The following TRIOBP variants were observed in gnomAD, a reference collection of about 807,000 sequenced individuals.
TRIOBP encodes the protein TRIO and F-actin binding protein.
TRIOBP carries 169 observed loss-of-function variants against 238.8 expected under a neutral mutation model. The ratio of observed to expected loss-of-function variants is 0.71; its 90% CI spans 0.62 to 0.80. The LOEUF (loss-of-function observed/expected upper bound fraction) is 0.80, where lower values mean the gene tolerates loss of function less well. Among genes scored for constraint, TRIOBP ranks in the 30% least tolerant of loss-of-function variants. The probability of loss-of-function intolerance (pLI) is 0.00; values close to 1 mark genes in which losing one functional copy is unlikely to be tolerated. For missense variants in TRIOBP, 2,838 were observed against 3,122.6 expected, an observed-to-expected ratio of 0.91 and a Z score of 2.17; for synonymous variants, 1,150 against 1,274.4, an observed-to-expected ratio of 0.90 and a Z score of 2.08.
At position 37,773,956 on chromosome 22, in the gene TRIOBP, GCA is replaced by G. The variant is rs1926916823; in HGVS notation, c.*182_*183del. 7.7e-6 allele frequency: 1 copy of G among 129,596 alleles called. No homozygotes were observed. Among genetic ancestry groups the G allele is most frequent in the Admixed American group, 8.2e-5 (1 of 12,128 alleles). 8.0% of individuals were successfully genotyped at this position (129,596 alleles called of 1,614,324 possible). On this transcript the variant is annotated 3_prime_UTR_variant, in exon 24 of 24. Transcript: ENST00000644935. The stretch of plus-strand genomic sequence containing the variant: ...CACACACAGACACACAGACACATAC[GCA>G]CACACGTGCACACATGTACACACGG...
chr22:37,699,462 AAATTGGCATTAATTTGATCTAC>A (rs140397965), intron 2 of TRIOBP, among the ~76,000 whole-genome samples: 1,647 of 152,220 alleles, frequency 0.011, 34 homozygotes, highest in African/African-American at 0.038. Flanking sequence ...GCCTGATCTA[AAATTGGCATTAATTTGATCTAC>A]AATGCAGCTA....
At chr22:37,731,314 T>G (rs114294257) in intron 7 of TRIOBP, among the ~76,000 whole-genome samples, 1 of 151,340 alleles carries the variant, frequency 6.6e-6, no homozygotes, top group Non-Finnish European at 1.5e-5. Flanking sequence ...ATTAAAAAAA[T>G]TTTTTTTTCC....
intron 9 of TRIOBP, 82 bp downstream of exon 9, chr22:37,735,524 G>C: frequency 6.7e-7 from 1 of 1,489,472 alleles, no homozygotes; most frequent in Non-Finnish European, 9.0e-7. Flanking sequence ...CCTCCCCTTG[G>C]AGTAGCCTAA....
chr22:37,726,005 C>T lies in TRIOBP; in HGVS notation c.3449C>T (p.Ser1150Phe), dbSNP rs2145835267. ...PRASTESLVPSMDSLHECPHI... is the reference protein window; with the variant it reads ...PRASTESLVPFMDSLHECPHI... ...GCCAGCACAGAGAGCCTTGTCCCTT[C>T]CATGGACTCTCTGCACGAGTGCCCC... The change falls in exon 7 of 24, where the codon TCC becomes TTC. Residue 1150 changes from serine (S) to phenylalanine (F), a missense_variant. Around this residue, in one of 5 missense-constraint regions of TRIOBP, gnomAD observed 2,096 missense variants for 2,137.4 expected, o/e 0.98. Coordinates refer to ENST00000644935, the MANE Select transcript of TRIOBP (RefSeq NM_001039141.3). The T allele has an allele frequency of 7.4e-6, 12 of 1,611,192 alleles. No individual in the cohort carries two copies. The highest frequency in any genetic ancestry group is 1.0e-5 in the Non-Finnish European group (12 of 1,179,124).
intron 7 of TRIOBP, among the ~76,000 whole-genome samples, chr22:37,727,880 G>A (rs537681615): frequency 2.0e-5 from 3 of 152,178 alleles, no homozygotes; most frequent in African/African-American, 7.2e-5. Flanking sequence ...TCCAGCCCTC[G>A]AGTTTTCAAG....
At chr22:37,744,478 G>C (rs1350798565) in intron 11 of TRIOBP, among the ~76,000 whole-genome samples, 2 of 152,224 alleles carry the variant, frequency 1.3e-5, no homozygotes, top group Admixed American at 6.5e-5. Context: ...TGATCTGTCA[G>C]CATTGGTGAT....
At chr22:37,719,811 T>G (rs1923725957) in intron 6 of TRIOBP, among the ~76,000 whole-genome samples, 1 of 152,012 alleles carries the variant, frequency 6.6e-6, no homozygotes, top group African/African-American at 2.4e-5. Flanking sequence ...GGGCCCCTTC[T>G]GTCTTCTCCC....
chr22:37,757,592 G>T, intron 15 of TRIOBP, 21 bp from the exon 16 acceptor site: 3 of 1,564,734 alleles, frequency 1.9e-6, no homozygotes, highest in Non-Finnish European at 2.6e-6. Context: ...CCCACCTGAC[G>T]TGGCTCTGCT....
At chr22:37,711,589 A>AAG (rs1923241699) in intron 4 of TRIOBP, among the ~76,000 whole-genome samples, 2 of 50,002 alleles carry the variant, frequency 4.0e-5, no homozygotes, top group Non-Finnish European at 1.3e-4. Flanking sequence ...AAAAAAAAAA[A>AAG]AAACAACAAA....
intron 10 of TRIOBP, among the ~76,000 whole-genome samples, chr22:37,740,548 T>A (rs1042938070): frequency 6.6e-6 from 1 of 152,074 alleles, no homozygotes; most frequent in Non-Finnish European, 1.5e-5. Context: ...TGGAGATATG[T>A]ATTTATATGT....
intron 11 of TRIOBP, chr22:37,751,041 G>A (rs1318342160): frequency 1.3e-5 from 5 of 395,342 alleles, no homozygotes; most frequent in Non-Finnish European, 2.6e-5. Flanking sequence ...GGGTCTGGTG[G>A]TTGGCACCCA....
At chr22:37,738,537 A>G in intron 9 of TRIOBP, 105 bp from the exon 10 acceptor site, 2 of 1,062,658 alleles carry the variant, frequency 1.9e-6, no homozygotes, top group South Asian at 1.3e-5. Flanking sequence ...TGGACGTTAG[A>G]TGGGTGTTGC....
Position 37,755,643 on chromosome 22 carries a change from G to T in TRIOBP, c.5671G>T (p.Ala1891Ser), listed in dbSNP as rs769410570. The stretch of plus-strand genomic sequence containing the variant: ...GAGAAAGACCGTACGTCCAACTTCA[G>T]CCCCAGATGTCACCAAGTACGTACT... The part of the protein sequence containing the change: ...ALRKTVRPTS[A>S]PDVTKLSDSN... The change falls in exon 15 of 24, where the codon GCC (alanine) becomes TCC (serine). Residue 1891 changes from alanine to serine, a missense_variant. This residue lies in a region of TRIOBP where 2,096 missense variants were observed against 2,137.4 expected (regional missense o/e 0.98). Coordinates refer to ENST00000644935, the MANE Select transcript of TRIOBP (RefSeq NM_001039141.3). 3 of 1,614,044 alleles carry T rather than the reference G, an allele frequency of 1.9e-6. No individual in the cohort carries two copies. The highest frequency in any genetic ancestry group is 1.7e-6 in the Non-Finnish European group (2 of 1,180,030).
At chr22:37,715,427 C>T (rs1282375145) in intron 5 of TRIOBP, among the ~76,000 whole-genome samples, 3 of 152,114 alleles carry the variant, frequency 2.0e-5, no homozygotes, top group East Asian at 1.9e-4. Flanking sequence ...AATGCAAGCT[C>T]CACCTCCCAG....
In TRIOBP at chr22:37,723,217, C is replaced by T. The variant is rs186143100; in HGVS notation, c.661C>T (p.His221Tyr). The T allele has an allele frequency of 1.9e-6, 3 of 1,613,966 alleles. No individual in the cohort carries two copies. The East Asian group carries it at 6.7e-5, about 36-fold the overall frequency. ...TGGGGRSAGQ[H>Y]WARLRGESGL... The stretch of plus-strand genomic sequence containing the variant: ...CGGTGGGGGCCGGAGCGCAGGACAG[C>T]ACTGGGCAAGGCTCCGGGGAGAAAG... The change falls in exon 7 of 24, where the codon CAC (histidine) becomes TAC (tyrosine). Residue 221 changes from histidine to tyrosine, a missense_variant. This residue lies in a region of TRIOBP where 535 missense variants were observed against 537.3 expected (regional missense o/e 1.00). Coordinates refer to ENST00000644935, the MANE Select transcript of TRIOBP (RefSeq NM_001039141.3).
chr22:37,718,721 G>T (rs1307032411), intron 6 of TRIOBP, among the ~76,000 whole-genome samples: 1 of 152,014 alleles, frequency 6.6e-6, no homozygotes, highest in Admixed American at 6.6e-5. Context: ...GCGGCTAGGG[G>T]ACTCTTCTTG....
rs1427161894 is a variant in TRIOBP at position 37,735,269 on chromosome 22, G to A, written c.4933G>A (p.Ala1645Thr). 33 of 1,609,006 alleles carry A rather than the reference G, an allele frequency of 2.1e-5. No homozygotes were observed. The highest frequency in any genetic ancestry group is 2.8e-5 in the Non-Finnish European group (33 of 1,176,474). Residue 1645 changes from alanine to threonine, a missense_variant, in exon 9 of 24, where the codon GCA (alanine) becomes ACA (threonine). Around this residue, in one of 5 missense-constraint regions of TRIOBP, gnomAD observed 2,096 missense variants for 2,137.4 expected, o/e 0.98. Coordinates refer to ENST00000644935, the MANE Select transcript of TRIOBP (RefSeq NM_001039141.3). ...EATPVNGHSP[A>T]LQSQSPVQLP... ...CACCCCAGTCAATGGACACAGCCCC[G>A]CACTGCAGTCCCAGAGCCCGGTCCA...
intron 2 of TRIOBP, among the ~76,000 whole-genome samples, chr22:37,698,499 A>T (rs149347245): frequency 2.7e-5 from 4 of 150,718 alleles, no homozygotes; most frequent in Admixed American, 1.3e-4. Flanking sequence ...GATTACAGGC[A>T]TGCGCACCAC....
chr22:37,751,516 G>T, intron 11 of TRIOBP: 1 of 556,166 alleles, frequency 1.8e-6, no homozygotes. Flanking sequence ...GGGACATCTG[G>T]GTGTGTGTGC....
Sources: allele counts gnomAD v4.1 joint callset (sites outside exome capture counted in the v4.1 genomes callset), GRCh38; gene constraint gnomAD v4.1.1; regional missense constraint gnomAD v4.1.1; transcripts MANE v1.5; gene names NCBI Gene and HGNC (gene_info 2026-07-23, HGNC 2026-07-21).